The following PRR16 variants were observed in gnomAD, a reference collection of about 807,000 sequenced individuals.
The protein encoded by PRR16 is protein Largen.
PRR16 carries 6 observed loss-of-function variants against 18.2 expected under a neutral mutation model. The observed-to-expected ratio is 0.33, with a 90% CI of 0.18 to 0.65. The LOEUF (loss-of-function observed/expected upper bound fraction) is 0.65, where lower values mean the gene tolerates loss of function less well. Among genes scored for constraint, PRR16 ranks in the 30% least tolerant of loss-of-function variants. PRR16 has a pLI of 0.74. For synonymous variants in PRR16, 151 were observed against 147.8 expected (o/e 1.02, Z -0.16); for missense variants, 412 against 376.6 (o/e 1.09, Z -0.78).
At chr5:120,659,451 A>G (rs924367453) in intron 1 of PRR16, among the ~76,000 whole-genome samples, 5 of 151,988 alleles carry the variant, frequency 3.3e-5, no homozygotes, top group African/African-American at 9.7e-5. Context: ...TTTCATTGAT[A>G]TATAATACTT....
intron 1 of PRR16, among the ~76,000 whole-genome samples, chr5:120,596,344 G>C (rs1753814188): frequency 6.6e-6 from 1 of 151,588 alleles, no homozygotes; most frequent in Admixed American, 6.6e-5. Flanking sequence ...ACATCTGAAG[G>C]AAGAGCTGAA....
the PRR16 span, among the ~76,000 whole-genome samples, chr5:120,791,026 T>C: frequency 1.1e-4 from 16 of 152,252 alleles, no homozygotes; most frequent in South Asian, 3.3e-3. Context: ...TACAGTGAAA[T>C]GCACACTAAG....
chr5:120,683,501 C>CA (rs11385880), intron 1 of PRR16, among the ~76,000 whole-genome samples: 60,540 of 111,780 alleles, frequency 0.54, 14,375 homozygotes, highest in East Asian at 0.85. Flanking sequence ...CACTCCGTCT[C>CA]AAAAAAAAAA....
At chr5:120,793,455 T>A in the PRR16 span, among the ~76,000 whole-genome samples, 2 of 151,652 alleles carry the variant, frequency 1.3e-5, no homozygotes, top group Non-Finnish European at 1.5e-5. Context: ...GACTAGTGGA[T>A]AAAAAGGGAA....
At chr5:120,704,273 T>A in the PRR16 span, among the ~76,000 whole-genome samples, 24 of 152,234 alleles carry the variant, frequency 1.6e-4, no homozygotes, top group African/African-American at 5.8e-4. Context: ...ATCTTGGAAA[T>A]GGGCAGCGAT....
chr5:120,552,951 A>G (rs1223432143), intron 1 of PRR16, among the ~76,000 whole-genome samples: 2 of 151,862 alleles, frequency 1.3e-5, no homozygotes, highest in South Asian at 2.1e-4. Flanking sequence ...CAGTTATATG[A>G]TCTTCACTAA....
At chr5:120,760,962 C>T in the PRR16 span, among the ~76,000 whole-genome samples, 1 of 152,064 alleles carries the variant, frequency 6.6e-6, no homozygotes, top group Non-Finnish European at 1.5e-5. Flanking sequence ...GCTTGTCCTA[C>T]AGTTCTTGTT....
At chr5:120,586,578 T>G (rs1349597062) in intron 1 of PRR16, among the ~76,000 whole-genome samples, 1 of 152,136 alleles carries the variant, frequency 6.6e-6, no homozygotes, top group Admixed American at 6.5e-5. Flanking sequence ...ACATCAGTTA[T>G]GGTGATCTGT....
chr5:120,738,246 C>T, the PRR16 span, among the ~76,000 whole-genome samples: 62 of 151,862 alleles, frequency 4.1e-4, no homozygotes, highest in East Asian at 2.1e-3. Flanking sequence ...TATGGGGGCT[C>T]GTGGGTATAG....
chr5:120,485,495 T>A (rs186585475), intron 1 of PRR16, among the ~76,000 whole-genome samples: 13 of 152,346 alleles, frequency 8.5e-5, no homozygotes, highest in Admixed American at 7.2e-4. Context: ...TTACAACATA[T>A]GCTGTTTGTT....
chr5:120,625,504 A>G (rs1246483462), intron 1 of PRR16, among the ~76,000 whole-genome samples: 1 of 152,036 alleles, frequency 6.6e-6, no homozygotes, highest in East Asian at 1.9e-4. Context: ...TGCCCAGCTA[A>G]TCTTTCAATT....
At chr5:120,755,393 C>T in the PRR16 span, among the ~76,000 whole-genome samples, 8 of 152,056 alleles carry the variant, frequency 5.3e-5, no homozygotes, top group East Asian at 1.4e-3. Context: ...TTCATTCCTT[C>T]CTCCCATCAG....
intron 1 of PRR16, chr5:120,465,667 C>T (rs950382774): frequency 1.3e-5 from 2 of 151,994 alleles, no homozygotes; most frequent in Non-Finnish European, 2.9e-5. Flanking sequence ...TAGCAGAGTC[C>T]CAGCGCGCCG....
chr5:120,728,201 CAA>C, the PRR16 span, among the ~76,000 whole-genome samples: 1 of 151,460 alleles, frequency 6.6e-6, no homozygotes, highest in Non-Finnish European at 1.5e-5. Context: ...ATTTAGAAAA[CAA>C]AATCAAATTG....
intron 1 of PRR16, among the ~76,000 whole-genome samples, chr5:120,558,027 G>A (rs114699897): frequency 1.2e-4 from 18 of 151,842 alleles, no homozygotes; most frequent in African/African-American, 4.3e-4. Flanking sequence ...TACATAGTAG[G>A]TGTGTATATT....
At chr5:120,779,559 T>TGCTTTTCTGTGTTCGTGC in the PRR16 span, among the ~76,000 whole-genome samples, 1 of 152,184 alleles carries the variant, frequency 6.6e-6, no homozygotes, top group African/African-American at 2.4e-5. Context: ...GCATTTCGTG[T>TGCTTTTCTGTGTTCGTGC]GCTTTTCTGT....
rs534892982 is a variant in PRR16 at position 120,585,293 on chromosome 5, C to T, written c.160-100661C>T. On this transcript the variant is annotated intron_variant, in intron 1 of 1. Coordinates refer to ENST00000407149, the MANE Select transcript of PRR16 (RefSeq NM_001300783.2). The stretch of plus-strand genomic sequence containing the variant: ...CTGAGCTGATTTGAAGAATGAAGGA[C>T]AAGGTTTTCTGTTTGGTTTAGAATT... Among the ~76,000 whole-genome samples the T allele has an allele frequency of 7.2e-5, 11 of 152,118 alleles. No individual in the cohort carries two copies. The East Asian group carries it at 2.1e-3, about 29-fold the overall frequency.
intron 1 of PRR16, among the ~76,000 whole-genome samples, chr5:120,539,218 A>T (rs1461641424): frequency 6.6e-6 from 1 of 151,890 alleles, no homozygotes; most frequent in East Asian, 1.9e-4. Flanking sequence ...GGCAAAACAA[A>T]GAAACAGTAA....
At chr5:120,546,026 GTGATTTTC>G (rs1752064020) in intron 1 of PRR16, among the ~76,000 whole-genome samples, 1 of 152,088 alleles carries the variant, frequency 6.6e-6, no homozygotes, top group Non-Finnish European at 1.5e-5. Context: ...ACGATGAAAA[GTGATTTTC>G]ATACATTATT....
Sources: allele counts gnomAD v4.1 joint callset (sites outside exome capture counted in the v4.1 genomes callset), GRCh38; gene constraint gnomAD v4.1.1; transcripts MANE v1.5; gene names NCBI Gene and HGNC (gene_info 2026-07-23, HGNC 2026-07-21).